FHIT: variants seen among roughly 807,000 people sequenced by gnomAD.
FHIT encodes the protein bis(5'-adenosyl)-triphosphatase.
In FHIT, 19 loss-of-function variants were observed where a neutral mutation model predicts 17.9. The observed-to-expected ratio is 1.06, with a 90% CI of 0.74 to 1.56. The LOEUF is 1.56. Among genes scored for constraint, FHIT ranks in the 40% most tolerant of loss-of-function variants. The pLI is 0.00. For missense variants in FHIT, 248 were observed against 189.2 expected (o/e 1.31, Z -1.82); for synonymous variants, 81 against 69.7 (o/e 1.16, Z -0.81).
chr3:60,429,996 T>C (rs1396244009), intron 5 of FHIT, among the ~76,000 whole-genome samples: 1 of 151,918 alleles, frequency 6.6e-6, no homozygotes, highest in African/African-American at 2.4e-5. Flanking sequence ...CTTAAGCCCG[T>C]GCCTTAAGAA....
chr3:60,386,190 C>T (rs1460098639), intron 5 of FHIT, among the ~76,000 whole-genome samples: 3 of 152,242 alleles, frequency 2.0e-5, no homozygotes, highest in Admixed American at 1.3e-4. Context: ...TCTTCTGCCT[C>T]TGGAAGACTC....
intron 5 of FHIT, among the ~76,000 whole-genome samples, chr3:60,065,180 G>A (rs528156422): frequency 1.1e-4 from 16 of 152,258 alleles, no homozygotes; most frequent in African/African-American, 2.2e-4. Context: ...GAAAATATGC[G>A]TATTACACAT....
chr3:61,114,643 C>T (rs2036249435), intron 2 of FHIT, among the ~76,000 whole-genome samples: 1 of 152,122 alleles, frequency 6.6e-6, no homozygotes. Context: ...TAAAAAGAAC[C>T]TAGCGTTGGC....
chr3:59,908,035 C>T (rs1704668498), intron 8 of FHIT, among the ~76,000 whole-genome samples: 1 of 152,148 alleles, frequency 6.6e-6, no homozygotes, highest in Non-Finnish European at 1.5e-5. Flanking sequence ...AGGTCATCTC[C>T]TTATCTTAAA....
chr3:60,949,129 G>C (rs1708765813), intron 3 of FHIT, among the ~76,000 whole-genome samples: 1 of 152,160 alleles, frequency 6.6e-6, no homozygotes, highest in South Asian at 2.1e-4. Flanking sequence ...AATGTTCTTA[G>C]CAAGTTCCGG....
Position 60,123,986 on chromosome 3 carries a change from A to T in FHIT, c.104-109834T>A, listed in dbSNP as rs1442644014. ...ACTAAAAATATATATATATATATAT[A>T]TATATATATATATATATATATATAG... is the stretch of plus-strand genomic sequence containing the variant. On this transcript the variant is annotated intron_variant, in intron 5 of 9. Transcript: ENST00000492590. Among the ~76,000 whole-genome samples, 471 of 50,436 alleles carry T rather than the reference A, an allele frequency of 9.3e-3. 19 individuals carry two copies. Among genetic ancestry groups the T allele is most frequent in the Non-Finnish European group, 0.016 (389 of 24,554 alleles). The allele number at this position is 50,436 out of a possible 152,430, so 33.1% of individuals were successfully genotyped here. A position where few individuals can be genotyped will look rare whatever the true frequency, so the allele number is the denominator to read the frequency against.
chr3:60,333,203 C>T (rs1710071967), intron 5 of FHIT, among the ~76,000 whole-genome samples: 1 of 152,216 alleles, frequency 6.6e-6, no homozygotes, highest in Non-Finnish European at 1.5e-5. Flanking sequence ...GTGACATTTG[C>T]TTCAGAGCAC....
intron 5 of FHIT, among the ~76,000 whole-genome samples, chr3:60,042,202 C>A (rs1280989826): frequency 6.6e-6 from 1 of 152,166 alleles, no homozygotes; most frequent in African/African-American, 2.4e-5. Flanking sequence ...GAAGCAGCTC[C>A]CTGTTCTCCT....
chr3:60,258,124 C>G (rs1027590422), intron 5 of FHIT, among the ~76,000 whole-genome samples: 1 of 150,966 alleles, frequency 6.6e-6, no homozygotes, highest in Admixed American at 6.6e-5. Context: ...TGTACACACT[C>G]CATCATATAT....
At chr3:60,992,355 A>G in intron 3 of FHIT, among the ~76,000 whole-genome samples, 1 of 152,240 alleles carries the variant, frequency 6.6e-6, no homozygotes, top group East Asian at 1.9e-4. Flanking sequence ...ATATACTTAA[A>G]TTAGCATACT....
At chr3:60,182,127 G>T (rs200329340) in intron 5 of FHIT, among the ~76,000 whole-genome samples, 1 of 152,112 alleles carries the variant, frequency 6.6e-6, no homozygotes, top group Admixed American at 6.5e-5. Context: ...CTGTCCTGGC[G>T]CCAATGGGAG....
intron 8 of FHIT, among the ~76,000 whole-genome samples, chr3:59,815,982 G>A (rs138240093): frequency 2.3e-3 from 344 of 152,262 alleles, no homozygotes; most frequent in African/African-American, 7.8e-3. Flanking sequence ...AAGCATAACA[G>A]AAAATGTTTT....
chr3:59,875,842 G>T (rs963015694), intron 8 of FHIT, among the ~76,000 whole-genome samples: 15 of 151,900 alleles, frequency 9.9e-5, no homozygotes, highest in Non-Finnish European at 2.1e-4. Flanking sequence ...TCATATGCCA[G>T]CCATGCGTCA....
At chr3:59,948,921 G>C (rs750022091) in intron 7 of FHIT, among the ~76,000 whole-genome samples, 5 of 151,928 alleles carry the variant, frequency 3.3e-5, no homozygotes, top group Admixed American at 6.6e-5. Flanking sequence ...AACATGTGCA[G>C]GTTTGTTACC....
chr3:60,246,648 G>C (rs961303871), intron 5 of FHIT, among the ~76,000 whole-genome samples: 21 of 152,250 alleles, frequency 1.4e-4, no homozygotes, highest in African/African-American at 4.8e-4. Flanking sequence ...TGGAGCTTGA[G>C]TGGAGCTCAA....
chr3:60,676,468 TC>T (rs2040623550), intron 4 of FHIT, among the ~76,000 whole-genome samples: 1 of 152,198 alleles, frequency 6.6e-6, no homozygotes, highest in Non-Finnish European at 1.5e-5. Flanking sequence ...CAACATGTTT[TC>T]ATTAAATTAG....
intron 4 of FHIT, among the ~76,000 whole-genome samples, chr3:60,621,415 C>A (rs1446625688): frequency 2.0e-5 from 3 of 152,056 alleles, no homozygotes; most frequent in Admixed American, 1.3e-4. Flanking sequence ...TCCCAAAGTG[C>A]TGGGATTACA....
At chr3:60,643,314 A>G (rs1299431906) in intron 4 of FHIT, among the ~76,000 whole-genome samples, 1 of 152,138 alleles carries the variant, frequency 6.6e-6, no homozygotes, top group Non-Finnish European at 1.5e-5. Flanking sequence ...TATTGTGAAA[A>G]TGACCATATT....
intron 4 of FHIT, among the ~76,000 whole-genome samples, chr3:60,539,424 C>G (rs1323463238): frequency 2.0e-5 from 3 of 152,098 alleles, no homozygotes; most frequent in Admixed American, 2.0e-4. Context: ...ACCATTTGAC[C>G]CAGCCATCCC....
Sources: allele counts gnomAD v4.1 joint callset (sites outside exome capture counted in the v4.1 genomes callset), GRCh38; gene constraint gnomAD v4.1.1; transcripts MANE v1.5; gene names NCBI Gene and HGNC (gene_info 2026-07-23, HGNC 2026-07-21).